Variants in BLTP3A observed in about 807,000 individuals in gnomAD.
BLTP3A encodes the protein bridge-like lipid transfer protein family member 3A.
the BLTP3A span, among the ~76,000 whole-genome samples, chr6:34,804,716 C>CCTGCTGCCTTCAGTTG: frequency 6.6e-6 from 1 of 152,100 alleles, no homozygotes; most frequent in African/African-American, 2.4e-5. Flanking sequence ...CAGCTTGTTC[C>CCTGCTGCCTTCAGTTG]CTGCTGCCTT....
chr6:34,812,085 T>TA, the BLTP3A span, among the ~76,000 whole-genome samples: 1,179 of 151,950 alleles, frequency 7.8e-3, 16 homozygotes, highest in African/African-American at 0.025. Flanking sequence ...TTCCAGCACT[T>TA]TGGGAGTCCA....
the BLTP3A span, chr6:34,821,429 TGAGTG>T: frequency 3.6e-5 from 14 of 392,354 alleles, no homozygotes; most frequent in South Asian, 2.4e-4. Context: ...TGGTGTGGTC[TGAGTG>T]CATTTGTTCT....
chr6:34,849,269 AG>A, the BLTP3A span, among the ~76,000 whole-genome samples: 2 of 151,994 alleles, frequency 1.3e-5, no homozygotes, highest in African/African-American at 4.8e-5. Flanking sequence ...AAAGGACTAC[AG>A]GCATGCACCA....
chr6:34,827,045 G>T, the BLTP3A span, among the ~76,000 whole-genome samples: 1 of 152,158 alleles, frequency 6.6e-6, no homozygotes, highest in Non-Finnish European at 1.5e-5. Context: ...GGGCTCAGTG[G>T]CTCACACCTG....
chr6:34,835,183 T>G, the BLTP3A span: 1 of 1,182,028 alleles, frequency 8.5e-7, no homozygotes, highest in Non-Finnish European at 1.2e-6. Context: ...GCTTGATACT[T>G]TCACATATTG....
At chr6:34,869,944 C>T in the BLTP3A span, among the ~76,000 whole-genome samples, 7 of 152,212 alleles carry the variant, frequency 4.6e-5, no homozygotes, top group East Asian at 5.8e-4. Context: ...CCACTGTGCA[C>T]GGCACTTTTT....
At chr6:34,858,237 T>C in the BLTP3A span, 12 of 1,614,200 alleles carry the variant, frequency 7.4e-6, no homozygotes, top group East Asian at 6.7e-5. Context: ...CACATTGTAG[T>C]TGTTCAGACC....
the BLTP3A span, among the ~76,000 whole-genome samples, chr6:34,832,424 T>C: frequency 6.6e-6 from 1 of 151,948 alleles, no homozygotes; most frequent in Non-Finnish European, 1.5e-5. Flanking sequence ...CCCAGCGTTT[T>C]TTCTTTTCTT....
the BLTP3A span, among the ~76,000 whole-genome samples, chr6:34,809,306 T>C: frequency 6.6e-6 from 1 of 152,102 alleles, no homozygotes; most frequent in African/African-American, 2.4e-5. Context: ...GGCAGGAGGA[T>C]TGATTGAGCC....
At chr6:34,835,224 G>A in the BLTP3A span, 1 of 1,526,764 alleles carries the variant, frequency 6.5e-7, no homozygotes, top group Non-Finnish European at 8.9e-7. Context: ...GAAACTGATT[G>A]GGCAACAGTC....
At chr6:34,815,284 C>G in the BLTP3A span, among the ~76,000 whole-genome samples, 1 of 151,974 alleles carries the variant, frequency 6.6e-6, no homozygotes, top group Non-Finnish European at 1.5e-5. Flanking sequence ...GAGTCTTCCT[C>G]TGTTGCCCGG....
the BLTP3A span, among the ~76,000 whole-genome samples, chr6:34,812,024 C>G: frequency 4.6e-5 from 7 of 151,516 alleles, no homozygotes; most frequent in African/African-American, 1.7e-4. Flanking sequence ...GACTCTAGCT[C>G]TTAAAAAAAG....
the BLTP3A span, among the ~76,000 whole-genome samples, chr6:34,845,122 A>C: frequency 6.6e-6 from 1 of 152,194 alleles, no homozygotes; most frequent in African/African-American, 2.4e-5. Flanking sequence ...TCCTTTCCCC[A>C]ATGTATGTTC....
At chr6:34,836,391 C>A in the BLTP3A span, 1 of 1,565,878 alleles carries the variant, frequency 6.4e-7, no homozygotes, top group Non-Finnish European at 8.8e-7. Context: ...GTCCACGTCA[C>A]TGTCTAGCTC....
the BLTP3A span, chr6:34,821,470 A>G: frequency 1.7e-6 from 1 of 590,662 alleles, no homozygotes; most frequent in Non-Finnish European, 3.0e-6. Flanking sequence ...AGTGTTTACA[A>G]CTAATTGATC....
chr6:34,869,096 C>T, the BLTP3A span, among the ~76,000 whole-genome samples: 1 of 151,882 alleles, frequency 6.6e-6, no homozygotes, highest in African/African-American at 2.4e-5. Context: ...ACCTTCACCT[C>T]CTTCAAGCAA....
chr6:34,845,333 T>TTTCG, the BLTP3A span, among the ~76,000 whole-genome samples: 1 of 152,084 alleles, frequency 6.6e-6, no homozygotes, highest in African/African-American at 2.4e-5. Context: ...GCTATTCTGT[T>TTTCG]TTTGTTTGTT....
chr6:34,821,433 T>TA, the BLTP3A span: 7 of 369,208 alleles, frequency 1.9e-5, no homozygotes, highest in South Asian at 1.5e-4. Flanking sequence ...GTGGTCTGAG[T>TA]GCATTTGTTC....
At chr6:34,846,104 C>A in the BLTP3A span, among the ~76,000 whole-genome samples, 2 of 126,530 alleles carry the variant, frequency 1.6e-5, no homozygotes, top group Admixed American at 1.6e-4. Context: ...CCTCCCCTCC[C>A]CTCCCCTCCC....
Sources: allele counts gnomAD v4.1 joint callset (sites outside exome capture counted in the v4.1 genomes callset), GRCh38; gene constraint gnomAD v4.1.1; transcripts MANE v1.5; gene names NCBI Gene and HGNC (gene_info 2026-07-23, HGNC 2026-07-21).